Variants in BTBD9 observed in about 807,000 individuals in gnomAD.
BTBD9 encodes BTB domain containing 9, also known as BTB/POZ domain-containing protein 9.
In BTBD9, 49 loss-of-function variants were observed where a neutral mutation model predicts 64.3. The observed-to-expected ratio is 0.76, with a 90% CI of 0.61 to 0.97. BTBD9 has a LOEUF of 0.97. BTBD9 is among the 50% of genes least tolerant of loss of function. The pLI, the probability that BTBD9 is intolerant of heterozygous loss-of-function variation, is 0.00. For missense variants in BTBD9, 598 were observed against 762.1 expected, an observed-to-expected ratio of 0.78 and a Z score of 2.53; for synonymous variants, 260 against 274.7, an observed-to-expected ratio of 0.95 and a Z score of 0.53.
intron 6 of BTBD9, among the ~76,000 whole-genome samples, chr6:38,571,130 T>G (rs1775746737): frequency 6.6e-6 from 1 of 152,234 alleles, no homozygotes; most frequent in Non-Finnish European, 1.5e-5. Flanking sequence ...TCCTGTTTCT[T>G]TTACATCTGA....
chr6:38,326,178 G>A (rs968737822), intron 7 of BTBD9, among the ~76,000 whole-genome samples: 1 of 152,112 alleles, frequency 6.6e-6, no homozygotes, highest in Non-Finnish European at 1.5e-5. Flanking sequence ...GTGAGAGGAA[G>A]GATAAGGAGA....
At chr6:38,206,617 G>A (rs973579738) in intron 9 of BTBD9, among the ~76,000 whole-genome samples, 11 of 152,050 alleles carry the variant, frequency 7.2e-5, no homozygotes, top group African/African-American at 1.2e-4. Flanking sequence ...GGCTCTGAAC[G>A]ATAGTTACAT....
At chr6:38,606,238 G>A (rs946406846) in intron 1 of BTBD9, among the ~76,000 whole-genome samples, 2 of 152,114 alleles carry the variant, frequency 1.3e-5, no homozygotes, top group African/African-American at 4.8e-5. Context: ...AGGGCCTATT[G>A]TGGGACTTCA....
intron 6 of BTBD9, among the ~76,000 whole-genome samples, chr6:38,484,235 AATT>A (rs1771296784): frequency 1.3e-5 from 2 of 152,212 alleles, no homozygotes; most frequent in South Asian, 4.1e-4. Flanking sequence ...CTAGAACTAG[AATT>A]ACTAAGGAAG....
At chr6:38,466,313 A>C (rs76056167) in intron 6 of BTBD9, among the ~76,000 whole-genome samples, 2 of 59,316 alleles carry the variant, frequency 3.4e-5, no homozygotes, top group African/African-American at 6.7e-5. Context: ...TTTTTTTTAG[A>C]TGGAGTTTCA....
intron 6 of BTBD9, among the ~76,000 whole-genome samples, chr6:38,517,880 C>T (rs1486163193): frequency 6.6e-6 from 1 of 152,174 alleles, no homozygotes; most frequent in East Asian, 1.9e-4. Flanking sequence ...TGCAACCCTC[C>T]AAGAAAGCAT....
intron 6 of BTBD9, among the ~76,000 whole-genome samples, chr6:38,572,178 A>G (rs146465411): frequency 2.0e-5 from 3 of 152,158 alleles, no homozygotes; most frequent in African/African-American, 7.2e-5. Flanking sequence ...TGTGCTTATT[A>G]TTTGTTTGTT....
intron 10 of BTBD9, among the ~76,000 whole-genome samples, chr6:38,177,848 C>T (rs1226327884): frequency 6.6e-6 from 1 of 152,250 alleles, no homozygotes; most frequent in Non-Finnish European, 1.5e-5. Context: ...ACACACCTAA[C>T]AAGACTGACA....
Position 38,450,373 on chromosome 6 carries a change from G to A in BTBD9, c.1155-105280C>T, listed in dbSNP as rs188361432. Among the ~76,000 whole-genome samples the A allele has an allele frequency of 1.3e-3, 202 of 152,266 alleles. 2 individuals carry two copies. The highest frequency in any genetic ancestry group is 3.7e-3 in the Admixed American group (57 of 15,304). Reference sequence around the variant, plus strand: ...CAGTACAGTGACTACAGCTAATGACGATTTACGGCATTCTTGAAAAACGCT... The same window carrying A: ...CAGTACAGTGACTACAGCTAATGACAATTTACGGCATTCTTGAAAAACGCT... On this transcript the variant is annotated intron_variant, in intron 6 of 10. Coordinates refer to ENST00000481247, the MANE Select transcript of BTBD9 (RefSeq NM_001099272.2).
chr6:38,207,239 C>G (rs1330242386), intron 9 of BTBD9: 2 of 209,118 alleles, frequency 9.6e-6, no homozygotes, highest in African/African-American at 4.7e-5. Flanking sequence ...AAGAGATCTC[C>G]AAGGTACAGA....
At chr6:38,390,241 T>C (rs1421200453) in intron 6 of BTBD9, among the ~76,000 whole-genome samples, 1 of 152,156 alleles carries the variant, frequency 6.6e-6, no homozygotes, top group Non-Finnish European at 1.5e-5. Context: ...CCTGCCACCA[T>C]GTCCAGCTAA....
At chr6:38,536,344 T>C (rs746303022) in intron 6 of BTBD9, among the ~76,000 whole-genome samples, 104 of 152,200 alleles carry the variant, frequency 6.8e-4, no homozygotes, top group Non-Finnish European at 1.3e-3. Flanking sequence ...GTCAATGATG[T>C]GGAGAAAAGG....
At chr6:38,618,021 G>T (rs557303516) in intron 1 of BTBD9, among the ~76,000 whole-genome samples, 1 of 152,324 alleles carries the variant, frequency 6.6e-6, no homozygotes, top group African/African-American at 2.4e-5. Context: ...AGGAAAACAA[G>T]TATTTCCACT....
chr6:38,455,624 A>G (rs1370892770), intron 6 of BTBD9, among the ~76,000 whole-genome samples: 1 of 152,250 alleles, frequency 6.6e-6, no homozygotes, highest in Admixed American at 6.5e-5. Context: ...GTAGTACTCC[A>G]TAATATGGAT....
chr6:38,507,281 C>T (rs1007346642), intron 6 of BTBD9, among the ~76,000 whole-genome samples: 3 of 152,298 alleles, frequency 2.0e-5, no homozygotes, highest in Non-Finnish European at 4.4e-5. Flanking sequence ...GGGATCTATT[C>T]TCAGCATGTA....
chr6:38,468,290 T>A (rs1184937222), intron 6 of BTBD9, among the ~76,000 whole-genome samples: 2 of 152,204 alleles, frequency 1.3e-5, no homozygotes, highest in Non-Finnish European at 2.9e-5. Context: ...TATTCAAAGT[T>A]CTATTCTGAC....
chr6:38,280,830 T>C (rs1475480122), intron 8 of BTBD9, among the ~76,000 whole-genome samples: 1 of 152,248 alleles, frequency 6.6e-6, no homozygotes, highest in African/African-American at 2.4e-5. Context: ...GCAAATATGA[T>C]GTCCAATTTA....
At chr6:38,216,013 A>C (rs1410975772) in intron 9 of BTBD9, among the ~76,000 whole-genome samples, 1 of 152,184 alleles carries the variant, frequency 6.6e-6, no homozygotes, top group African/African-American at 2.4e-5. Flanking sequence ...GGTTCTGAGG[A>C]GGACATCTCT....
chr6:38,379,869 A>G (rs893783043), intron 6 of BTBD9, among the ~76,000 whole-genome samples: 5 of 152,220 alleles, frequency 3.3e-5, no homozygotes, highest in African/African-American at 7.2e-5. Context: ...CGGCAGTGTA[A>G]AAGAGCCAAA....
Sources: gnomAD v4.1 joint callset for allele counts (sites outside exome capture counted in the v4.1 genomes callset) on GRCh38, gnomAD v4.1.1 for gene constraint, MANE v1.5 for transcripts, NCBI Gene and HGNC (gene_info 2026-07-23, HGNC 2026-07-21) for gene names.